LPP: variants seen among roughly 807,000 people sequenced by gnomAD.
The protein encoded by LPP is lipoma-preferred partner.
LPP carries 38 observed loss-of-function variants against 60.4 expected under a neutral mutation model. The ratio of observed to expected loss-of-function variants is 0.63; its 90% CI spans 0.49 to 0.83. The LOEUF is 0.83. Among genes scored for constraint, LPP ranks in the 40% least tolerant of loss-of-function variants. LPP has a pLI of 0.00. For missense variants in LPP, 902 were observed against 783.6 expected, an observed-to-expected ratio of 1.15 and a Z score of -1.80; for synonymous variants, 328 against 290.8, an observed-to-expected ratio of 1.13 and a Z score of -1.30.
chr3:188,797,959 A>G (rs1295199826), intron 9 of LPP, among the ~76,000 whole-genome samples: 1 of 152,196 alleles, frequency 6.6e-6, no homozygotes, highest in East Asian at 1.9e-4. Context: ...AAGTTTCTTT[A>G]CAACTCTGAA....
At chr3:188,364,520 A>G (rs192363584) in intron 3 of LPP, among the ~76,000 whole-genome samples, 1 of 152,348 alleles carries the variant, frequency 6.6e-6, no homozygotes, top group Admixed American at 6.5e-5. Flanking sequence ...ACATGCAAAA[A>G]CACTCAGAGA....
intron 4 of LPP, among the ~76,000 whole-genome samples, chr3:188,431,255 G>A (rs769926144): frequency 6.6e-6 from 1 of 152,004 alleles, no homozygotes; most frequent in Non-Finnish European, 1.5e-5. Context: ...GAAACTTGTT[G>A]GTCATAGACC....
At chr3:188,378,949 T>C (rs1776090600) in intron 3 of LPP, among the ~76,000 whole-genome samples, 1 of 152,156 alleles carries the variant, frequency 6.6e-6, no homozygotes, top group African/African-American at 2.4e-5. Flanking sequence ...ATTGGATTCC[T>C]GGGGGTGAGA....
chr3:188,304,335 TG>T (rs934664046), intron 2 of LPP, among the ~76,000 whole-genome samples: 1 of 152,130 alleles, frequency 6.6e-6, no homozygotes, highest in Non-Finnish European at 1.5e-5. Context: ...TTTTTAATAA[TG>T]GGGGGAAATC....
intron 4 of LPP, among the ~76,000 whole-genome samples, chr3:188,428,597 T>TATATATATA (rs1553895830): frequency 1.8e-5 from 2 of 109,328 alleles, no homozygotes; most frequent in African/African-American, 6.1e-5. Flanking sequence ...TATATATATA[T>TATATATATA]TTTTTTTTTT....
At chr3:188,307,027 A>T (rs1246210450) in intron 2 of LPP, among the ~76,000 whole-genome samples, 1 of 152,216 alleles carries the variant, frequency 6.6e-6, no homozygotes, top group East Asian at 1.9e-4. Context: ...GCATATTTTT[A>T]ACTGGTAGAG....
chr3:188,457,739 A>AATATAT (rs57639615), intron 4 of LPP, among the ~76,000 whole-genome samples: 281 of 140,072 alleles, frequency 2.0e-3, no homozygotes, highest in Middle Eastern at 3.6e-3. Context: ...AAAAAAAAAA[A>AATATAT]ATATATATAT....
chr3:188,251,861 C>A (rs1032142092), intron 2 of LPP, among the ~76,000 whole-genome samples: 1 of 151,530 alleles, frequency 6.6e-6, no homozygotes. Context: ...TCCTTCCCAT[C>A]CTAGTTTGTT....
At chr3:188,760,052 T>G in intron 8 of LPP, 61 bp from the exon 9 acceptor site, 1 of 1,497,646 alleles carries the variant, frequency 6.7e-7, no homozygotes, top group East Asian at 2.3e-5. Flanking sequence ...CTCCTCCACT[T>G]TGGCTTTAGC....
At chr3:188,154,470 C>G (rs1454716063) in intron 1 of LPP, among the ~76,000 whole-genome samples, 2 of 152,110 alleles carry the variant, frequency 1.3e-5, no homozygotes, top group Non-Finnish European at 2.9e-5. Context: ...AGCGTCGACC[C>G]CAGGCTAGGC....
In LPP at chr3:188,785,547, T is replaced by TATACACACACACAC. The variant is rs1206082559; in HGVS notation, c.1410+25266_1410+25267insTACACACACACACA. On this transcript the variant is annotated intron_variant, in intron 9 of 11. Coordinates refer to ENST00000617246, the MANE Select transcript of LPP (RefSeq NM_001375462.1). ...ATATATATTCCATCATATATATATA[T>TATACACACACACAC]ACACACACACACACACACACACACA... Among the ~76,000 whole-genome samples the TATACACACACACAC allele has an allele frequency of 3.2e-4, 14 of 43,846 alleles. 3 individuals are homozygous for TATACACACACACAC. Among genetic ancestry groups the TATACACACACACAC allele is most frequent in the African/African-American group, 1.3e-3 (14 of 10,630 alleles). The allele number at this position is 43,846 out of a possible 152,430, so 28.8% of individuals were successfully genotyped here. A position where few individuals can be genotyped will look rare whatever the true frequency, so the allele number is the denominator to read the frequency against.
chr3:188,422,958 T>TGTGTGTGTGTGTGTGTGTG (rs1560384297), intron 4 of LPP, among the ~76,000 whole-genome samples: 1 of 150,296 alleles, frequency 6.7e-6, no homozygotes, highest in Non-Finnish European at 1.5e-5. Flanking sequence ...TGTGTGTGTG[T>TGTGTGTGTGTGTGTGTGTG]TTTAATTGTA....
intron 2 of LPP, among the ~76,000 whole-genome samples, chr3:188,257,717 C>T (rs1732133047): frequency 6.6e-6 from 1 of 152,212 alleles, no homozygotes; most frequent in South Asian, 2.1e-4. Context: ...CTGTTGTTCA[C>T]TGGGCACCCA....
At chr3:188,372,914 G>T (rs1352030385) in intron 3 of LPP, among the ~76,000 whole-genome samples, 1 of 151,666 alleles carries the variant, frequency 6.6e-6, no homozygotes, top group African/African-American at 2.4e-5. Flanking sequence ...GTGTCCATGT[G>T]TTCTCATTGT....
intron 8 of LPP, among the ~76,000 whole-genome samples, chr3:188,716,804 T>C (rs1390763899): frequency 1.3e-5 from 2 of 152,194 alleles, no homozygotes; most frequent in African/African-American, 4.8e-5. Flanking sequence ...TGATGGATGA[T>C]TAGATTATAC....
At chr3:188,407,784 G>GTTTTTTTTTTTTTTTTT (rs1397646143) in intron 4 of LPP, among the ~76,000 whole-genome samples, 40 of 114,828 alleles carry the variant, frequency 3.5e-4, no homozygotes, top group East Asian at 5.0e-4. Flanking sequence ...TTTTTTGTTT[G>GTTTTTTTTTTTTTTTTT]TTTGTTTTTT....
In LPP at chr3:188,494,740, C is replaced by T. The variant is rs564054503; in HGVS notation, c.306+10036C>T. ...ATGGTTAACACTGCAAGTGCTCTTC[C>T]AGGCTTCCTGGGTACACATCTGGCT... On this transcript the variant is annotated intron_variant, in intron 5 of 11. Coordinates refer to ENST00000617246, the MANE Select transcript of LPP (RefSeq NM_001375462.1). Among the ~76,000 whole-genome samples the T allele has an allele frequency of 4.5e-3, 685 of 152,078 alleles. 6 individuals carry two copies. Among genetic ancestry groups the T allele is most frequent in the African/African-American group, 0.016 (653 of 41,508 alleles).
intron 3 of LPP, among the ~76,000 whole-genome samples, chr3:188,384,083 C>A (rs979773216): frequency 2.0e-5 from 3 of 152,070 alleles, no homozygotes; most frequent in Non-Finnish European, 2.9e-5. Context: ...GAAAATGGTA[C>A]TCCATTGTTT....
chr3:188,372,403 T>C (rs1773547313), intron 3 of LPP, among the ~76,000 whole-genome samples: 2 of 152,188 alleles, frequency 1.3e-5, no homozygotes, highest in Admixed American at 6.5e-5. Flanking sequence ...ATGTCACTGT[T>C]AAATAACATG....
Sources: allele counts gnomAD v4.1 joint callset (sites outside exome capture counted in the v4.1 genomes callset), GRCh38; gene constraint gnomAD v4.1.1; transcripts MANE v1.5; gene names NCBI Gene and HGNC (gene_info 2026-07-23, HGNC 2026-07-21).